The following UBOX5 variants were observed in gnomAD, a reference collection of about 807,000 sequenced individuals.
The protein encoded by UBOX5 is U-box domain containing 5.
A neutral mutation model predicts 39.0 loss-of-function variants in UBOX5; 28 were observed. The observed-to-expected ratio is 0.72, with a 90% CI of 0.53 to 0.98. The LOEUF is 0.98. Ranked by LOEUF, UBOX5 falls within the 50% of genes least tolerant of loss-of-function variation. The pLI, the probability that UBOX5 is intolerant of heterozygous loss-of-function variation, is 0.00. For missense variants in UBOX5, 585 were observed against 674.4 expected, an observed-to-expected ratio of 0.87 and a Z score of 1.47; for synonymous variants, 283 against 275.5, an observed-to-expected ratio of 1.03 and a Z score of -0.27.
intron 1 of UBOX5, among the ~76,000 whole-genome samples, chr20:3,142,789 A>AG (rs935620233): frequency 4.0e-5 from 6 of 150,762 alleles, no homozygotes; most frequent in South Asian, 2.1e-4. Flanking sequence ...AAAAAAAAAA[A>AG]AAAGAAAAGT....
At chr20:3,116,363 A>C (rs1428716788) in intron 3 of UBOX5, 1 of 152,270 alleles carries the variant, frequency 6.6e-6, no homozygotes, top group African/African-American at 2.4e-5. Flanking sequence ...AAGCCATGGA[A>C]TGAGGGTGAA....
chr20:3,120,322 GGT>G (rs2066324313), intron 3 of UBOX5, among the ~76,000 whole-genome samples: 1 of 147,026 alleles, frequency 6.8e-6, no homozygotes, highest in Admixed American at 6.7e-5. Flanking sequence ...ACTCCAGCCT[GGT>G]GACAGAGCGA....
At chr20:3,133,166 G>A (rs761246134) in intron 1 of UBOX5, among the ~76,000 whole-genome samples, 10 of 152,108 alleles carry the variant, frequency 6.6e-5, no homozygotes, top group Non-Finnish European at 1.3e-4. Flanking sequence ...GTAGGATTCC[G>A]TAAGAACCTG....
intron 1 of UBOX5, among the ~76,000 whole-genome samples, chr20:3,133,761 G>A (rs1277158264): frequency 1.3e-5 from 2 of 150,602 alleles, no homozygotes; most frequent in East Asian, 3.9e-4. Context: ...TTTTTTGGGG[G>A]GGGGAAACAG....
intron 1 of UBOX5, chr20:3,151,867 G>A (rs1485971221): frequency 2.0e-5 from 3 of 151,264 alleles, no homozygotes; most frequent in African/African-American, 4.9e-5. Flanking sequence ...CACTTTGAGA[G>A]GCCAAGGCAG....
intron 4 of UBOX5, chr20:3,110,695 G>C: frequency 3.5e-6 from 1 of 286,110 alleles, no homozygotes; most frequent in South Asian, 3.8e-5. Context: ...AATGTGAGAG[G>C]CGACAAGAGA....
chr20:3,147,746 T>C (rs765592823), intron 1 of UBOX5: 18 of 1,614,128 alleles, frequency 1.1e-5, no homozygotes, highest in Non-Finnish European at 1.4e-5. Context: ...GGGTGGCTTA[T>C]AATTCAGAGT....
chr20:3,139,894 G>C (rs551727213), intron 1 of UBOX5, among the ~76,000 whole-genome samples: 1 of 152,056 alleles, frequency 6.6e-6, no homozygotes, highest in African/African-American at 2.4e-5. Context: ...ATTTCTAGTA[G>C]AGATGGGGTT....
intron 1 of UBOX5, among the ~76,000 whole-genome samples, chr20:3,152,898 T>A (rs1334220627): frequency 6.7e-6 from 1 of 149,960 alleles, no homozygotes; most frequent in East Asian, 1.9e-4. Flanking sequence ...AGAGCAAGAC[T>A]GTCTCAAAAA....
rs60655157 is a variant in UBOX5 at position 3,152,100 on chromosome 20, CAAAAAA to C, written c.-42+7660_-42+7665del. Among the ~76,000 whole-genome samples the C allele has an allele frequency of 9.7e-3, 609 of 62,902 alleles. 6 individuals carry two copies. Among genetic ancestry groups the C allele is most frequent in the African/African-American group, 0.03 (575 of 19,446 alleles). The allele number at this position is 62,902 out of a possible 152,430, so 41.3% of individuals were successfully genotyped here. A position where few individuals can be genotyped will look rare whatever the true frequency, so the allele number is the denominator to read the frequency against. The stretch of plus-strand genomic sequence containing the variant: ...AGCCTGGGTGACAGAGACTCTGTCT[CAAAAAA>C]AAAAAAAAAAAAAAAAGAACCAAAA... On this transcript the variant is annotated intron_variant, in intron 1 of 4. Coordinates refer to ENST00000217173, the MANE Select transcript of UBOX5 (RefSeq NM_014948.4).
Position 3,115,190 on chromosome 20 carries a change from C to T in UBOX5, c.1417+115G>A, listed in dbSNP as rs181732718. On this transcript the variant is annotated intron_variant, in intron 4 of 4. Transcript: ENST00000217173. ...CTCCCAGGGTGGGTGTTGGAACTGA[C>T]GGGGAGGCTGGCCAGGCAGGTCCAC... 3.9e-4 allele frequency: 527 copies of T among 1,355,098 alleles called. 1 individual carries two copies. Among genetic ancestry groups the T allele is most frequent in the South Asian group, 7.3e-4 (46 of 63,300 alleles). The allele number at this position is 1,355,098 out of a possible 1,614,324, so 83.9% of individuals were successfully genotyped here. A position where few individuals can be genotyped will look rare whatever the true frequency, so the allele number is the denominator to read the frequency against.
chr20:3,121,689 TGA>T lies in UBOX5; in HGVS notation c.948_949del (p.Gln317AlafsTer12). 6.2e-7 allele frequency: 1 copy of T among 1,613,892 alleles called. No individual in the cohort carries two copies. The highest frequency in any genetic ancestry group is 8.5e-7 in the Non-Finnish European group (1 of 1,179,958). On this transcript the variant is annotated frameshift_variant, in exon 3 of 5. Transcript: ENST00000217173. LOFTEE classifies it high-confidence loss of function. ...CTTGAGGGAGGGGTGAGGCAGGGGC[TGA>T]GAGTGCGGAGTAAAAGCTACCCCCG...
intron 1 of UBOX5, among the ~76,000 whole-genome samples, chr20:3,158,504 C>T (rs987539303): frequency 6.6e-6 from 1 of 152,150 alleles, no homozygotes; most frequent in East Asian, 1.9e-4. Flanking sequence ...GACGGACTCT[C>T]GCTCTCTCGC....
intron 1 of UBOX5, among the ~76,000 whole-genome samples, chr20:3,137,535 T>C (rs73608125): frequency 6.6e-6 from 1 of 152,208 alleles, no homozygotes; most frequent in South Asian, 2.1e-4. Context: ...TCCCAAAGTG[T>C]TGGGATTACA....
At chr20:3,113,182 G>A (rs1455954982) in intron 4 of UBOX5, among the ~76,000 whole-genome samples, 2 of 151,822 alleles carry the variant, frequency 1.3e-5, no homozygotes, top group Non-Finnish European at 1.5e-5. Context: ...AGCTACTAGT[G>A]GGGGCTGAGA....
intron 3 of UBOX5, among the ~76,000 whole-genome samples, chr20:3,117,787 T>G (rs1266363381): frequency 6.6e-6 from 1 of 151,170 alleles, no homozygotes; most frequent in Non-Finnish European, 1.5e-5. Context: ...AGGTCAGGAG[T>G]TCAAGACCAG....
rs1191781692 is a variant in UBOX5, at chr20:3,125,379, C to T, written c.-41-1973G>A. Among the ~76,000 whole-genome samples the T allele has an allele frequency of 2.8e-5, 4 of 142,940 alleles. No individual in the cohort carries two copies. The Admixed American group carries it at 2.8e-4, about 10-fold the overall frequency. The allele number at this position is 142,940 out of a possible 152,430, so 93.8% of individuals were successfully genotyped here. A position where few individuals can be genotyped will look rare whatever the true frequency, so the allele number is the denominator to read the frequency against. On this transcript the variant is annotated intron_variant, in intron 1 of 4. Transcript: ENST00000217173. The stretch of plus-strand genomic sequence containing the variant: ...GTGAGGAGCGCCTCTGCCCAGCTGC[C>T]CCGTCTGGGAGGTGAGGAGCGCCTC...
intron 3 of UBOX5, among the ~76,000 whole-genome samples, chr20:3,119,488 T>C (rs1842633545): frequency 6.6e-6 from 1 of 152,232 alleles, no homozygotes; most frequent in African/African-American, 2.4e-5. Flanking sequence ...TGTTTGTTGC[T>C]GTAAGCCAGT....
intron 4 of UBOX5, 27 bp from the exon 5 acceptor site, chr20:3,110,341 C>A (rs777889725): frequency 2.2e-5 from 36 of 1,613,128 alleles, no homozygotes; most frequent in Non-Finnish European, 2.9e-5. Context: ...GAAAACAGGC[C>A]AGGGTTAGGA....
Sources: allele counts gnomAD v4.1 joint callset (sites outside exome capture counted in the v4.1 genomes callset), GRCh38; gene constraint gnomAD v4.1.1; transcripts MANE v1.5; gene names NCBI Gene and HGNC (gene_info 2026-07-23, HGNC 2026-07-21).